Variants in KLHL1 observed in about 807,000 individuals in gnomAD.
KLHL1 encodes the protein kelch-like protein 1.
KLHL1 carries 47 observed loss-of-function variants against 77.7 expected under a neutral mutation model. The ratio of observed to expected loss-of-function variants is 0.60; its 90% CI spans 0.48 to 0.77. KLHL1 has a LOEUF of 0.77. KLHL1 is among the 30% of genes least tolerant of loss of function. KLHL1 has a pLI of 0.00. For missense variants in KLHL1, 925 were observed against 910.8 expected (o/e 1.02, Z -0.20); for synonymous variants, 360 against 325.2 (o/e 1.11, Z -1.15).
At chr13:69,882,241 T>C in intron 5 of KLHL1, 42 bp downstream of exon 5, 3 of 1,344,144 alleles carry the variant, frequency 2.2e-6, no homozygotes, top group Non-Finnish European at 3.2e-6. Flanking sequence ...ATAGGGTTTT[T>C]CAGTACATTG....
chr13:69,719,724 A>T (rs1245619648), intron 8 of KLHL1, 143 bp from the exon 9 acceptor site: 2 of 627,532 alleles, frequency 3.2e-6, no homozygotes, highest in Non-Finnish European at 5.5e-6. Context: ...TTTGTTAAAG[A>T]TACTCAATAA....
chr13:70,108,198 G>T lies in KLHL1; in HGVS notation c.-499C>A. ...GAGTTCAGTGTCTGGAGAGCGCAGA[G>T]AGAAAGAGCCCCAAGTCTCGAGGAA... On this transcript the variant is annotated 5_prime_UTR_variant, in exon 1 of 11. Coordinates refer to ENST00000377844, the MANE Select transcript of KLHL1 (RefSeq NM_020866.3). 3 of 396,526 alleles carry T rather than the reference G, an allele frequency of 7.6e-6. No individual in the cohort carries two copies. The highest frequency in any genetic ancestry group is 1.3e-5 in the Non-Finnish European group (3 of 225,522). The allele number at this position is 396,526 out of a possible 1,614,324, so 24.6% of individuals were successfully genotyped here.
chr13:69,918,680 T>A (rs1354835736), intron 4 of KLHL1, among the ~76,000 whole-genome samples: 1 of 152,078 alleles, frequency 6.6e-6, no homozygotes, highest in Non-Finnish European at 1.5e-5. Context: ...TAACAAAAGG[T>A]CAGGTTGAAC....
chr13:69,960,128 T>TTTC (rs1555285617), intron 3 of KLHL1, among the ~76,000 whole-genome samples: 1 of 150,606 alleles, frequency 6.6e-6, no homozygotes, highest in African/African-American at 2.4e-5. Context: ...TTTTTTTTTT[T>TTTC]CAGGAAGCTT....
At chr13:69,705,134 G>T (rs2137869357) in intron 10 of KLHL1, among the ~76,000 whole-genome samples, 1 of 151,698 alleles carries the variant, frequency 6.6e-6, no homozygotes, top group East Asian at 1.9e-4. Flanking sequence ...AGTATACCAA[G>T]ATAATACATT....
intron 1 of KLHL1, among the ~76,000 whole-genome samples, chr13:69,998,402 G>T (rs1329247165): frequency 6.6e-6 from 1 of 152,006 alleles, no homozygotes; most frequent in Non-Finnish European, 1.5e-5. Context: ...AATAAACATT[G>T]TCTGAGAGTC....
chr13:69,956,500 T>G (rs969916940), intron 3 of KLHL1, among the ~76,000 whole-genome samples: 1 of 151,370 alleles, frequency 6.6e-6, no homozygotes, highest in African/African-American at 2.4e-5. Flanking sequence ...TATAGCAATA[T>G]GATAGTCAGT....
At chr13:70,081,598 G>T (rs1887391721) in intron 1 of KLHL1, among the ~76,000 whole-genome samples, 1 of 152,072 alleles carries the variant, frequency 6.6e-6, no homozygotes, top group African/African-American at 2.4e-5. Flanking sequence ...AAACTTGGCA[G>T]CTCATTTCTT....
intron 4 of KLHL1, among the ~76,000 whole-genome samples, chr13:69,886,100 TTTGATG>T (rs1881206638): frequency 6.6e-6 from 1 of 152,138 alleles, no homozygotes; most frequent in Non-Finnish European, 1.5e-5. Flanking sequence ...AGTCTAAAAC[TTTGATG>T]GTCTTATATG....
At chr13:70,047,614 T>C (rs917138734) in intron 1 of KLHL1, among the ~76,000 whole-genome samples, 2 of 152,220 alleles carry the variant, frequency 1.3e-5, no homozygotes, top group Non-Finnish European at 2.9e-5. Context: ...TCTAAGCCAG[T>C]ATTTTCATTG....
chr13:69,889,145 G>C (rs1449941559), intron 4 of KLHL1, among the ~76,000 whole-genome samples: 1 of 151,958 alleles, frequency 6.6e-6, no homozygotes, highest in Admixed American at 6.6e-5. Flanking sequence ...AGAGTTTTTA[G>C]TAATAATTAC....
chr13:69,922,665 A>T (rs966512115), intron 4 of KLHL1, among the ~76,000 whole-genome samples: 7 of 152,108 alleles, frequency 4.6e-5, no homozygotes, highest in South Asian at 4.1e-4. Flanking sequence ...AAGCAAAATT[A>T]AAAAAACATA....
chr13:69,846,076 C>G (rs1349338943), intron 5 of KLHL1, among the ~76,000 whole-genome samples: 1 of 151,144 alleles, frequency 6.6e-6, no homozygotes, highest in Non-Finnish European at 1.5e-5. Flanking sequence ...TTCTATCATA[C>G]AAGACAACAA....
chr13:69,718,095 G>T (rs980505898), intron 9 of KLHL1, among the ~76,000 whole-genome samples: 19 of 152,050 alleles, frequency 1.2e-4, no homozygotes, highest in Non-Finnish European at 2.1e-4. Flanking sequence ...TCATAAATGG[G>T]AAAGAATATC....
At chr13:69,788,576 G>A (rs1479555667) in intron 7 of KLHL1, among the ~76,000 whole-genome samples, 1 of 152,052 alleles carries the variant, frequency 6.6e-6, no homozygotes, top group Admixed American at 6.5e-5. Flanking sequence ...ATGAGTTAAT[G>A]GGTACAGCAC....
intron 1 of KLHL1, among the ~76,000 whole-genome samples, chr13:70,010,874 A>G (rs1327797995): frequency 4.6e-5 from 7 of 151,260 alleles, no homozygotes; most frequent in Non-Finnish European, 7.4e-5. Flanking sequence ...CCTGGGCAAC[A>G]AAAGTGAAAC....
At chr13:69,960,529 T>G (rs564355550) in intron 3 of KLHL1, among the ~76,000 whole-genome samples, 1 of 152,196 alleles carries the variant, frequency 6.6e-6, no homozygotes, top group Admixed American at 6.6e-5. Flanking sequence ...GTGTAAACCC[T>G]GATAATGCTC....
intron 1 of KLHL1, among the ~76,000 whole-genome samples, chr13:70,058,890 A>C (rs1013270031): frequency 6.6e-6 from 1 of 152,134 alleles, no homozygotes; most frequent in Non-Finnish European, 1.5e-5. Flanking sequence ...AGAATAGAGA[A>C]CCCAGAAACA....
At chr13:69,856,668 T>C (rs1879932750) in intron 5 of KLHL1, among the ~76,000 whole-genome samples, 2 of 152,106 alleles carry the variant, frequency 1.3e-5, no homozygotes, top group African/African-American at 4.8e-5. Context: ...TATTACACTA[T>C]ACTGTAATCT....
Sources: gnomAD v4.1 joint callset for allele counts (sites outside exome capture counted in the v4.1 genomes callset) on GRCh38, gnomAD v4.1.1 for gene constraint, MANE v1.5 for transcripts, NCBI Gene and HGNC (gene_info 2026-07-23, HGNC 2026-07-21) for gene names.